Variants in MAPK4 observed in about 807,000 individuals in gnomAD.
MAPK4 encodes mitogen-activated protein kinase 4.
In MAPK4, 22 loss-of-function variants were observed where a neutral mutation model predicts 47.7. The ratio of observed to expected loss-of-function variants is 0.46; its 90% CI spans 0.33 to 0.66. The LOEUF is 0.66. MAPK4 is among the 30% of genes least tolerant of loss of function. The probability of loss-of-function intolerance (pLI) is 0.02; values close to 1 mark genes in which losing one functional copy is unlikely to be tolerated. For synonymous variants in MAPK4, 390 were observed against 365.7 expected (o/e 1.07, Z -0.76); for missense variants, 736 against 831.7 (o/e 0.88, Z 1.42).
chr18:50,606,006 C>T (rs1030622614), intron 1 of MAPK4, among the ~76,000 whole-genome samples: 1 of 145,548 alleles, frequency 6.9e-6, no homozygotes. Context: ...AAAGTCTGGG[C>T]TGCAGCAGAA....
At chr18:50,700,953 G>C (rs1380856565) in intron 2 of MAPK4, among the ~76,000 whole-genome samples, 5 of 152,104 alleles carry the variant, frequency 3.3e-5, no homozygotes, top group African/African-American at 1.2e-4. Flanking sequence ...GTGAAGGACA[G>C]AAACACCTTT....
At chr18:50,629,234 A>G (rs2042807778) in intron 1 of MAPK4, among the ~76,000 whole-genome samples, 1 of 152,226 alleles carries the variant, frequency 6.6e-6, no homozygotes, top group Non-Finnish European at 1.5e-5. Flanking sequence ...GAATCATGTA[A>G]CAAGCTTGAC....
At chr18:50,619,193 C>G (rs955574771) in intron 1 of MAPK4, among the ~76,000 whole-genome samples, 1 of 152,220 alleles carries the variant, frequency 6.6e-6, no homozygotes, top group Non-Finnish European at 1.5e-5. Flanking sequence ...TATATACTGA[C>G]TAGTCTGCAA....
At chr18:50,597,184 C>T (rs2042489766) in intron 1 of MAPK4, among the ~76,000 whole-genome samples, 1 of 152,214 alleles carries the variant, frequency 6.6e-6, no homozygotes, top group African/African-American at 2.4e-5. Context: ...AAGAAGCCTT[C>T]TGGACCAGAT....
chr18:50,592,435 T>G (rs9304401), intron 1 of MAPK4, among the ~76,000 whole-genome samples: 3,324 of 152,264 alleles, frequency 0.022, 122 homozygotes, highest in African/African-American at 0.075. Flanking sequence ...CTCGCTAGGA[T>G]CTTTGATAGA....
At chr18:50,651,468 G>A (rs1434499688) in intron 1 of MAPK4, among the ~76,000 whole-genome samples, 1 of 152,318 alleles carries the variant, frequency 6.6e-6, no homozygotes, top group African/African-American at 2.4e-5. Context: ...GGAGATCAAT[G>A]CGCTCCCTGG....
intron 1 of MAPK4, among the ~76,000 whole-genome samples, chr18:50,661,442 A>G (rs529353482): frequency 1.3e-5 from 2 of 152,352 alleles, no homozygotes; most frequent in East Asian, 3.9e-4. Context: ...TTATCCATTC[A>G]TCAGATGGAT....
At position 50,715,177 on chromosome 18, in the gene MAPK4, C is replaced by T. The variant is rs761219042; in HGVS notation, c.645C>T (p.Ala215=). 55 of 1,614,048 alleles carry T rather than the reference C, an allele frequency of 3.4e-5. No individual in the cohort carries two copies. Among genetic ancestry groups the T allele is most frequent in the Admixed American group, 3.3e-5 (2 of 59,998 alleles). Reference sequence around the variant, plus strand: ...CCAAAGCCATCGACATGTGGGCCGCCGGCTGCATCCTGGCTGAGATGCTTA... The same window carrying T: ...CCAAAGCCATCGACATGTGGGCCGCTGGCTGCATCCTGGCTGAGATGCTTA... ...NYTKAIDMWA[A]GCILAEMLTG... The change falls in exon 3 of 6, where the codon GCC becomes GCT. Residue 215 remains alanine, a synonymous_variant. Coordinates refer to ENST00000400384, the MANE Select transcript of MAPK4 (RefSeq NM_002747.4).
At chr18:50,591,288 T>C (rs999363417) in intron 1 of MAPK4, among the ~76,000 whole-genome samples, 1 of 152,160 alleles carries the variant, frequency 6.6e-6, no homozygotes, top group Non-Finnish European at 1.5e-5. Flanking sequence ...AGTTTAGGAA[T>C]AGGCTTAAGA....
intron 1 of MAPK4, among the ~76,000 whole-genome samples, chr18:50,629,101 G>A (rs1422019639): frequency 6.6e-6 from 1 of 152,152 alleles, no homozygotes; most frequent in Non-Finnish European, 1.5e-5. Context: ...CTGCTTTGTG[G>A]GGGCTTTCTC....
At chr18:50,718,944 C>T (rs544305122) in intron 3 of MAPK4, among the ~76,000 whole-genome samples, 9 of 151,796 alleles carry the variant, frequency 5.9e-5, no homozygotes, top group East Asian at 3.9e-4. Flanking sequence ...ATTAGCTGGG[C>T]GTGGTGGCAT....
At chr18:50,626,537 G>A (rs1423666044) in intron 1 of MAPK4, among the ~76,000 whole-genome samples, 1 of 152,124 alleles carries the variant, frequency 6.6e-6, no homozygotes, top group African/African-American at 2.4e-5. Flanking sequence ...TGGCCCAAGG[G>A]TTCATCAAGG....
chr18:50,710,791 A>C (rs201419169), intron 2 of MAPK4, among the ~76,000 whole-genome samples: 1 of 78,980 alleles, frequency 1.3e-5, no homozygotes, highest in African/African-American at 3.0e-5. Flanking sequence ...AAATAAATAA[A>C]TAAATAAATA....
intron 1 of MAPK4, among the ~76,000 whole-genome samples, chr18:50,615,890 T>G (rs2042680491): frequency 6.6e-6 from 1 of 152,154 alleles, no homozygotes. Context: ...TCAAGATACC[T>G]TGGGGAAAAA....
chr18:50,627,253 G>A (rs2042787019), intron 1 of MAPK4, among the ~76,000 whole-genome samples: 1 of 152,188 alleles, frequency 6.6e-6, no homozygotes, highest in Admixed American at 6.5e-5. Context: ...GTGGACTAGG[G>A]AGTCTGTCCC....
intron 1 of MAPK4, among the ~76,000 whole-genome samples, chr18:50,574,317 T>A (rs189499513): frequency 3.4e-4 from 52 of 152,340 alleles, no homozygotes; most frequent in African/African-American, 1.2e-3. Context: ...CAAATAATTA[T>A]ACATTTCTAG....
At chr18:50,576,972 GAC>G (rs2042302807) in intron 1 of MAPK4, among the ~76,000 whole-genome samples, 1 of 152,140 alleles carries the variant, frequency 6.6e-6, no homozygotes, top group South Asian at 2.1e-4. Context: ...AAAATTATAA[GAC>G]AGACCCTGCT....
chr18:50,559,866 G>A (rs8083350), upstream of MAPK4, among the ~76,000 whole-genome samples: 88 of 151,176 alleles, frequency 5.8e-4, no homozygotes, highest in African/African-American at 2.0e-3. Context: ...CCGCGGGACT[G>A]GGTCCGGGAA....
chr18:50,589,873 G>A (rs1437653), intron 1 of MAPK4, among the ~76,000 whole-genome samples: 60,993 of 152,090 alleles, frequency 0.4, 13,249 homozygotes, highest in Middle Eastern at 0.49. Context: ...CCATTGTCCT[G>A]TGCGTTTAGT....
Sources: gnomAD v4.1 joint callset for allele counts (sites outside exome capture counted in the v4.1 genomes callset) on GRCh38, gnomAD v4.1.1 for gene constraint, MANE v1.5 for transcripts, NCBI Gene and HGNC (gene_info 2026-07-23, HGNC 2026-07-21) for gene names.